The following UBA2 variants were observed in gnomAD, a reference collection of about 807,000 sequenced individuals.
UBA2 encodes the protein ubiquitin like modifier activating enzyme 2.
Under a neutral mutation model 77.2 loss-of-function variants are expected in UBA2, and 11 were observed. The observed-to-expected ratio is 0.14, with a 90% CI of 0.09 to 0.24. The LOEUF (loss-of-function observed/expected upper bound fraction) is 0.24, where lower values mean the gene tolerates loss of function less well. Among genes scored for constraint, UBA2 ranks in the 10% least tolerant of loss-of-function variants. The pLI, the probability that UBA2 is intolerant of heterozygous loss-of-function variation, is 1.00. For synonymous variants in UBA2, 278 were observed against 276.7 expected, an observed-to-expected ratio of 1.00 and a Z score of -0.05; for missense variants, 487 against 781.7, an observed-to-expected ratio of 0.62 and a Z score of 4.50.
intron 14 of UBA2, among the ~76,000 whole-genome samples, chr19:34,462,848 A>G (rs2075646671): frequency 6.6e-6 from 1 of 152,178 alleles, no homozygotes; most frequent in Non-Finnish European, 1.5e-5. Context: ...TAATGCCAGC[A>G]CTTTGGGAGG....
intron 15 of UBA2, among the ~76,000 whole-genome samples, chr19:34,465,090 A>G (rs2075673660): frequency 6.6e-6 from 1 of 152,194 alleles, no homozygotes; most frequent in African/African-American, 2.4e-5. Flanking sequence ...CACAGTTAAG[A>G]TAGACATGGC....
chr19:34,440,799 G>A (rs1030356921), intron 6 of UBA2, among the ~76,000 whole-genome samples: 29 of 151,826 alleles, frequency 1.9e-4, no homozygotes, highest in Non-Finnish European at 2.4e-4. Flanking sequence ...GGTGGTGGGC[G>A]CCTATAATCC....
Position 34,452,025 on chromosome 19 carries a change from G to A in UBA2, c.916G>A (p.Gly306Ser). ...ASDQQNEPQL[G>S]LKDQQVLDVK... is the part of the protein sequence containing the mutation. ...AGATCAACAGAATGAACCCCAGTTA[G>A]GCCTGAAAGACCAGCAGGTTCTAGA... The change falls in exon 10 of 17, where the codon GGC becomes AGC. Residue 306 changes from glycine to serine, a missense_variant. By Grantham distance (56) the Gly-to-Ser change is moderately conservative. Transcript: ENST00000246548. The A allele has an allele frequency of 1.2e-6, 2 of 1,606,200 alleles. No homozygotes were observed. The highest frequency in any genetic ancestry group is 1.7e-6 in the Non-Finnish European group (2 of 1,175,072).
In UBA2 at chr19:34,446,690, A is replaced by G. The variant is rs536522930; in HGVS notation, c.771+1569A>G. Among the ~76,000 whole-genome samples, 23 of 151,214 alleles carry G rather than the reference A, an allele frequency of 1.5e-4. 1 individual carries two copies. The East Asian group carries it at 4.3e-3, about 28-fold the overall frequency. ...AGTGGCATGATCTCAGCTTGCTGCA[A>G]CCTCTGCCTCCTGGTTCAGGCTATT... On this transcript the variant is annotated intron_variant, in intron 8 of 16. Transcript: ENST00000246548.
intron 7 of UBA2, among the ~76,000 whole-genome samples, chr19:34,444,559 C>T (rs2075407874): frequency 6.6e-6 from 1 of 152,122 alleles, no homozygotes; most frequent in Non-Finnish European, 1.5e-5. Flanking sequence ...GTAGTCCCAG[C>T]ATTTTGGGAG....
In UBA2 at chr19:34,458,968, A is replaced by G. The variant is rs773464341; in HGVS notation, c.1401+44A>G. On this transcript the variant is annotated intron_variant, in intron 13 of 16. Transcript: ENST00000246548. ...TCTCTTTTCCTTTTGCTTTTACAGT[A>G]TTACTGTGATGACAAACAAACACTA... is the stretch of plus-strand genomic sequence containing the variant. The G allele has an allele frequency of 3.9e-5, 60 of 1,556,070 alleles. No homozygotes were observed. The South Asian group carries it at 5.7e-4, about 15-fold the overall frequency.
At chr19:34,442,839 A>G (rs1015603677) in intron 6 of UBA2, among the ~76,000 whole-genome samples, 41 of 152,348 alleles carry the variant, frequency 2.7e-4, no homozygotes, top group African/African-American at 9.9e-4. Context: ...ACTAGTTGGC[A>G]AAGCGTTAAT....
intron 12 of UBA2, among the ~76,000 whole-genome samples, chr19:34,455,971 C>T (rs1250410535): frequency 6.6e-6 from 1 of 151,166 alleles, no homozygotes; most frequent in Non-Finnish European, 1.5e-5. Context: ...CTGATGGGGT[C>T]TTGCTATGTT....
chr19:34,464,040 A>T lies in UBA2; in HGVS notation c.1513A>T (p.Lys505Ter). 1 of 1,612,588 alleles carries T rather than the reference A, an allele frequency of 6.2e-7. No homozygotes were observed. The highest frequency in any genetic ancestry group is 8.5e-7 in the Non-Finnish European group (1 of 1,178,632). ...EGETEANNHK[K>*]LSEFGIRNGS... is the part of the protein sequence containing the mutation. ...ACGTTTCCTAGCTAATAATCACAAGAAGTTGTCAGAATTTGGAATTAGAAA... is the reference window on the plus strand; with the variant it reads ...ACGTTTCCTAGCTAATAATCACAAGTAGTTGTCAGAATTTGGAATTAGAAA... The change falls in exon 15 of 17, where the codon AAG becomes TAG. Residue 505 changes from lysine (K) to a stop codon, truncating the protein, a stop_gained. Transcript: ENST00000246548. LOFTEE classifies it high-confidence loss of function.
At chr19:34,430,512 A>G (rs1362826810) in intron 1 of UBA2, 64 bp from the exon 2 acceptor site, 1 of 1,236,320 alleles carries the variant, frequency 8.1e-7, no homozygotes, top group East Asian at 2.4e-5. Flanking sequence ...AGGTGCTGAG[A>G]GTAGTGATAC....
At chr19:34,438,366 T>A (rs181488615) in intron 5 of UBA2, among the ~76,000 whole-genome samples, 2 of 152,344 alleles carry the variant, frequency 1.3e-5, no homozygotes, top group East Asian at 3.9e-4. Flanking sequence ...AAACTCATAT[T>A]TGACACTCAG....
chr19:34,430,281 A>C (rs541874310), intron 1 of UBA2: 1 of 266,626 alleles, frequency 3.8e-6, no homozygotes, highest in African/African-American at 2.2e-5. Context: ...GAATTCACAT[A>C]TTTTTATGGC....
chr19:34,443,987 G>T, intron 7 of UBA2, 76 bp downstream of exon 7: 1 of 1,016,016 alleles, frequency 9.8e-7, no homozygotes, highest in South Asian at 1.3e-5. Flanking sequence ...GGTAGCTTAA[G>T]GGAAAAAAAT....
rs76980352 is a variant in UBA2, at chr19:34,460,464, T to A, written c.1402-6T>A. 1.3e-6 allele frequency: 2 copies of A among 1,534,720 alleles called. No individual in the cohort carries two copies. The highest frequency in any genetic ancestry group is 2.1e-5 in the Admixed American group (1 of 48,440). On this transcript the variant is annotated splice_region_variant and splice_polypyrimidine_tract_variant and intron_variant, in intron 13 of 16. Coordinates refer to ENST00000246548, the MANE Select transcript of UBA2 (RefSeq NM_005499.3). ...ATATTTTGAATCCTTTTTTTTTTTT[T>A]TGTAGATAGTGAAAGAAAAATTTGC...
Position 34,448,371 on chromosome 19 carries a change from G to T in UBA2, c.772-1894G>T, listed in dbSNP as rs545331942. On this transcript the variant is annotated intron_variant, in intron 8 of 16. Transcript: ENST00000246548. ...GCACTTTGGAAGGCTGAGGCGGGAG[G>T]ATCACTTGAGGCCAGGAGCACAAGA... 2.0e-5 allele frequency among the ~76,000 whole-genome samples: 3 copies of T among 152,142 alleles called. No individual in the cohort carries two copies. In the South Asian group the frequency reaches 6.2e-4, roughly 32 times the overall value.
At chr19:34,445,637 C>T (rs887895008) in intron 8 of UBA2, among the ~76,000 whole-genome samples, 1 of 152,058 alleles carries the variant, frequency 6.6e-6, no homozygotes, top group Non-Finnish European at 1.5e-5. Context: ...GGGGTCTCAC[C>T]ATGTTGGCCA....
Position 34,466,869 on chromosome 19 carries a change from C to A in UBA2, c.1605-9C>A. On this transcript the variant is annotated splice_polypyrimidine_tract_variant and intron_variant, in intron 15 of 16. Transcript: ENST00000246548. The stretch of plus-strand genomic sequence containing the variant: ...AGTCATAGCAGTGACCTGTGTGATT[C>A]TCCTACAGTGAAGACCTAGGAAAGG... 6.2e-7 allele frequency: 1 copy of A among 1,611,936 alleles called. No homozygotes were observed. Among genetic ancestry groups the A allele is most frequent in the Admixed American group, 1.7e-5 (1 of 59,998 alleles).
At chr19:34,437,826 G>A (rs1056183179) in intron 5 of UBA2, among the ~76,000 whole-genome samples, 3 of 152,226 alleles carry the variant, frequency 2.0e-5, no homozygotes, top group Middle Eastern at 3.4e-3. Context: ...AAGCCAAGGC[G>A]GGCGAATCAC....
rs565818047 is a variant in UBA2, at chr19:34,437,838, T to C, written c.460-807T>C. Reference sequence around the variant, plus strand: ...GGGAAGCCAAGGCGGGCGAATCACATGAAGTCAGGAGTTCAAGACCAAGCT... The same window carrying C: ...GGGAAGCCAAGGCGGGCGAATCACACGAAGTCAGGAGTTCAAGACCAAGCT... On this transcript the variant is annotated intron_variant, in intron 5 of 16. Transcript: ENST00000246548. Among the ~76,000 whole-genome samples, 19 of 152,222 alleles carry C rather than the reference T, an allele frequency of 1.2e-4. No individual in the cohort carries two copies. The South Asian group carries it at 3.7e-3, about 30-fold the overall frequency.
Sources: allele counts gnomAD v4.1 joint callset (sites outside exome capture counted in the v4.1 genomes callset), GRCh38; gene constraint gnomAD v4.1.1; transcripts MANE v1.5; gene names NCBI Gene and HGNC (gene_info 2026-07-23, HGNC 2026-07-21).